Variants in CNTN5 observed in about 807,000 individuals in gnomAD.
CNTN5 encodes the protein contactin 5.
Under a neutral mutation model 129.1 loss-of-function variants are expected in CNTN5, and 77 were observed. That is an observed-to-expected ratio of 0.60 (90% CI 0.50 to 0.72). CNTN5 has a LOEUF of 0.72. Ranked by LOEUF, CNTN5 falls within the 30% of genes least tolerant of loss-of-function variation. CNTN5 has a pLI of 0.00. For missense variants in CNTN5, 1,478 were observed against 1,328.8 expected (o/e 1.11, Z -1.75); for synonymous variants, 509 against 465.6 (o/e 1.09, Z -1.20).
chr11:99,350,763 T>C (rs1011007807), intron 2 of CNTN5, among the ~76,000 whole-genome samples: 1 of 151,924 alleles, frequency 6.6e-6, no homozygotes, highest in Non-Finnish European at 1.5e-5. Context: ...ATGTCATGTA[T>C]GATAAAAAGA....
intron 3 of CNTN5, among the ~76,000 whole-genome samples, chr11:99,619,405 G>T (rs922898166): frequency 6.6e-6 from 1 of 151,830 alleles, no homozygotes; most frequent in Admixed American, 6.6e-5. Flanking sequence ...TTTCTATTGT[G>T]GTTAAATACA....
intron 13 of CNTN5, among the ~76,000 whole-genome samples, chr11:100,133,233 C>T (rs1366220111): frequency 1.3e-5 from 2 of 152,106 alleles, no homozygotes; most frequent in African/African-American, 4.8e-5. Context: ...CATCACCCTT[C>T]ACACAGGCTG....
At chr11:100,302,162 CT>C (rs367933769) in intron 20 of CNTN5, among the ~76,000 whole-genome samples, 137 of 151,664 alleles carry the variant, frequency 9.0e-4, no homozygotes, top group African/African-American at 3.1e-3. Context: ...AATCAACATT[CT>C]TTTTTAGTCA....
intron 10 of CNTN5, among the ~76,000 whole-genome samples, chr11:100,067,775 T>C (rs372576557): frequency 1.2e-4 from 18 of 152,010 alleles, no homozygotes; most frequent in South Asian, 8.3e-4. Flanking sequence ...CAAACAGATA[T>C]GATAGCACAT....
At chr11:99,373,711 CAAAAAA>C (rs57363059) in intron 2 of CNTN5, among the ~76,000 whole-genome samples, 2 of 96,000 alleles carry the variant, frequency 2.1e-5, no homozygotes, top group Admixed American at 1.3e-4. Flanking sequence ...AACTCCGTCT[CAAAAAA>C]AAAAAAAAAA....
intron 3 of CNTN5, among the ~76,000 whole-genome samples, chr11:99,583,183 A>T (rs935495563): frequency 6.6e-6 from 1 of 152,132 alleles, no homozygotes; most frequent in Non-Finnish European, 1.5e-5. Context: ...GTTCCTCTGG[A>T]AGTTTTGTCT....
chr11:100,348,604 A>G (rs1311879311), intron 23 of CNTN5, among the ~76,000 whole-genome samples: 2 of 151,972 alleles, frequency 1.3e-5, no homozygotes, highest in East Asian at 1.9e-4. Context: ...TCCCCTGCCA[A>G]TCCTCACCAA....
intron 2 of CNTN5, among the ~76,000 whole-genome samples, chr11:99,486,927 A>G (rs1945840937): frequency 6.6e-6 from 1 of 152,212 alleles, no homozygotes. Flanking sequence ...AGTGAGCTAT[A>G]TTATACAATC....
intron 1 of CNTN5, among the ~76,000 whole-genome samples, chr11:99,073,372 TG>T (rs144602846): frequency 0.18 from 21,953 of 125,082 alleles, 1,693 homozygotes; most frequent in South Asian, 0.22. Context: ...CTTTATGGTT[TG>T]GTTTTTTTTT....
intron 15 of CNTN5, among the ~76,000 whole-genome samples, chr11:100,197,861 T>C (rs1464538606): frequency 6.6e-6 from 1 of 151,952 alleles, no homozygotes; most frequent in Non-Finnish European, 1.5e-5. Flanking sequence ...GTGAACTTGA[T>C]AAATTGCAAC....
intron 6 of CNTN5, among the ~76,000 whole-genome samples, chr11:99,866,145 T>C (rs1948349145): frequency 6.6e-6 from 1 of 152,194 alleles, no homozygotes; most frequent in African/African-American, 2.4e-5. Flanking sequence ...TCACAGACTA[T>C]TTGGGTGTTT....
chr11:99,256,266 C>T (rs1165554379), intron 1 of CNTN5, among the ~76,000 whole-genome samples: 2 of 152,000 alleles, frequency 1.3e-5, no homozygotes, highest in South Asian at 2.1e-4. Flanking sequence ...ATAGTGTATA[C>T]AAATGTCAAG....
intron 3 of CNTN5, among the ~76,000 whole-genome samples, chr11:99,799,309 G>T (rs555400973): frequency 6.6e-6 from 1 of 151,368 alleles, no homozygotes; most frequent in East Asian, 1.9e-4. Flanking sequence ...TGAGAATGGC[G>T]CATCCTTATT....
At chr11:99,052,222 CACAG>C (rs1490504800) in intron 1 of CNTN5, among the ~76,000 whole-genome samples, 1 of 151,612 alleles carries the variant, frequency 6.6e-6, no homozygotes, top group Non-Finnish European at 1.5e-5. Context: ...TATATATACA[CACAG>C]AGAGATAACA....
chr11:100,172,003 T>C (rs1019587788), intron 13 of CNTN5, among the ~76,000 whole-genome samples: 1 of 152,058 alleles, frequency 6.6e-6, no homozygotes, highest in Non-Finnish European at 1.5e-5. Flanking sequence ...AGCTTATTCA[T>C]GTTAATACAC....
At chr11:99,057,398 G>A (rs1864664628) in intron 1 of CNTN5, among the ~76,000 whole-genome samples, 1 of 151,900 alleles carries the variant, frequency 6.6e-6, no homozygotes, top group Admixed American at 6.6e-5. Context: ...TTTCAGGATG[G>A]GAAGCGTCTG....
intron 3 of CNTN5, among the ~76,000 whole-genome samples, chr11:99,567,597 A>T (rs1436978300): frequency 6.6e-6 from 1 of 152,142 alleles, no homozygotes; most frequent in Non-Finnish European, 1.5e-5. Context: ...AGGAAAATGA[A>T]AATAGAAGTG....
chr11:99,780,962 G>A (rs1044147391), intron 3 of CNTN5, among the ~76,000 whole-genome samples: 3 of 151,962 alleles, frequency 2.0e-5, no homozygotes, highest in South Asian at 4.1e-4. Flanking sequence ...GGAAACACAC[G>A]TGGCATCTTA....
At chr11:99,326,409 T>C (rs1471280105) in intron 2 of CNTN5, among the ~76,000 whole-genome samples, 1 of 152,226 alleles carries the variant, frequency 6.6e-6, no homozygotes, top group African/African-American at 2.4e-5. Context: ...GGTTAATTGA[T>C]TCAAAATAGG....
Sources: gnomAD v4.1 joint callset for allele counts (sites outside exome capture counted in the v4.1 genomes callset) on GRCh38, gnomAD v4.1.1 for gene constraint, MANE v1.5 for transcripts, NCBI Gene and HGNC (gene_info 2026-07-23, HGNC 2026-07-21) for gene names.